Variants in CEP112 observed in about 807,000 individuals in gnomAD.
CEP112 encodes the protein centrosomal protein 112, also known as centrosomal protein of 112 kDa.
Under a neutral mutation model 153.0 loss-of-function variants are expected in CEP112, and 127 were observed. The observed-to-expected ratio is 0.83, with a 90% CI of 0.72 to 0.96. The LOEUF is 0.96. Ranked by LOEUF, CEP112 falls within the 40% of genes least tolerant of loss-of-function variation. The probability of loss-of-function intolerance (pLI) is 0.00; values close to 1 mark genes in which losing one functional copy is unlikely to be tolerated. For synonymous variants in CEP112, 358 were observed against 374.4 expected, an observed-to-expected ratio of 0.96 and a Z score of 0.51; for missense variants, 1,089 against 1,101.2, an observed-to-expected ratio of 0.99 and a Z score of 0.16.
intron 21 of CEP112, among the ~76,000 whole-genome samples, chr17:65,807,918 G>A (rs2055708128): frequency 6.6e-6 from 1 of 152,228 alleles, no homozygotes; most frequent in South Asian, 2.1e-4. Flanking sequence ...GCCTAGTGGA[G>A]CTGTGAAAAG....
At chr17:66,141,539 T>C (rs1452823537) in intron 4 of CEP112, among the ~76,000 whole-genome samples, 1 of 152,166 alleles carries the variant, frequency 6.6e-6, no homozygotes. Context: ...GCTGAAATTT[T>C]ATATGCATTG....
At chr17:65,710,534 C>A (rs1053468267) in intron 23 of CEP112, among the ~76,000 whole-genome samples, 2 of 152,148 alleles carry the variant, frequency 1.3e-5, no homozygotes, top group Non-Finnish European at 2.9e-5. Flanking sequence ...TATTTCATTT[C>A]CTGGCCTTTC....
intron 21 of CEP112, among the ~76,000 whole-genome samples, chr17:65,759,011 T>C (rs549588953): frequency 3.3e-5 from 5 of 152,266 alleles, no homozygotes; most frequent in East Asian, 1.9e-4. Flanking sequence ...ATACAGGTCA[T>C]ACAGACCTTG....
At chr17:65,837,728 T>C (rs929328888) in intron 21 of CEP112, among the ~76,000 whole-genome samples, 1 of 152,180 alleles carries the variant, frequency 6.6e-6, no homozygotes, top group Admixed American at 6.5e-5. Flanking sequence ...GGAGACTCCA[T>C]TTTGTTCTGT....
At chr17:65,701,373 A>C (rs1164427326) in intron 23 of CEP112, among the ~76,000 whole-genome samples, 1 of 152,184 alleles carries the variant, frequency 6.6e-6, no homozygotes, top group East Asian at 1.9e-4. Flanking sequence ...GGGGAAGAAT[A>C]AGTTTCTGCA....
intron 21 of CEP112, among the ~76,000 whole-genome samples, chr17:65,828,095 A>G (rs1598714003): frequency 6.6e-6 from 1 of 152,236 alleles, no homozygotes; most frequent in Non-Finnish European, 1.5e-5. Flanking sequence ...GGACAGGAAT[A>G]TATGCCATTT....
chr17:66,112,308 T>TA (rs1254939081), intron 6 of CEP112, among the ~76,000 whole-genome samples: 1 of 150,146 alleles, frequency 6.7e-6, no homozygotes, highest in Non-Finnish European at 1.5e-5. Context: ...ATAAAAAAAT[T>TA]AAAAAAACAA....
intron 1 of CEP112, among the ~76,000 whole-genome samples, chr17:66,185,631 A>G (rs367800373): frequency 2.4e-4 from 37 of 152,366 alleles, no homozygotes; most frequent in East Asian, 2.1e-3. Flanking sequence ...CCAAAAATCA[A>G]AAGTGTAGGT....
intron 21 of CEP112, among the ~76,000 whole-genome samples, chr17:65,792,934 A>T (rs929388438): frequency 2.6e-5 from 4 of 152,184 alleles, no homozygotes; most frequent in African/African-American, 7.2e-5. Context: ...CATTTTTAGT[A>T]ATCAAGAAAA....
intron 21 of CEP112, among the ~76,000 whole-genome samples, chr17:65,794,340 C>T (rs1224061589): frequency 1.3e-5 from 2 of 152,198 alleles, no homozygotes; most frequent in African/African-American, 4.8e-5. Context: ...AATCTTTCTC[C>T]TTCCACTGGC....
At chr17:65,713,831 G>T (rs1016781344) in intron 23 of CEP112, among the ~76,000 whole-genome samples, 6 of 151,882 alleles carry the variant, frequency 4.0e-5, no homozygotes, top group Admixed American at 6.6e-5. Flanking sequence ...CTCGTGATCC[G>T]CCCGCCTCGG....
At chr17:66,146,737 T>G (rs977713500) in intron 4 of CEP112, among the ~76,000 whole-genome samples, 1 of 152,180 alleles carries the variant, frequency 6.6e-6, no homozygotes, top group African/African-American at 2.4e-5. Context: ...TTGACAACTT[T>G]AGAGACCTCA....
intron 4 of CEP112, among the ~76,000 whole-genome samples, chr17:66,133,301 G>A (rs900649083): frequency 6.6e-6 from 1 of 151,906 alleles, no homozygotes; most frequent in Non-Finnish European, 1.5e-5. Flanking sequence ...TATATTCTAC[G>A]GGAAGAACAT....
chr17:65,881,085 T>G (rs1236448705), intron 20 of CEP112, among the ~76,000 whole-genome samples: 1 of 152,068 alleles, frequency 6.6e-6, no homozygotes, highest in Non-Finnish European at 1.5e-5. Context: ...CATGCTGGCA[T>G]GCGCTTGTAG....
At chr17:65,906,980 C>G (rs770254429) in intron 19 of CEP112, among the ~76,000 whole-genome samples, 53 of 152,174 alleles carry the variant, frequency 3.5e-4, no homozygotes, top group Non-Finnish European at 5.9e-4. Context: ...GTAGAAAGTT[C>G]TATTGAGATC....
intron 20 of CEP112, among the ~76,000 whole-genome samples, chr17:65,881,273 C>T (rs1424487739): frequency 2.0e-5 from 3 of 152,086 alleles, no homozygotes; most frequent in Admixed American, 6.6e-5. Flanking sequence ...GAAAGTCAAA[C>T]GCTCTCTGGA....
intron 4 of CEP112, among the ~76,000 whole-genome samples, chr17:66,148,010 T>C (rs1029148405): frequency 1.3e-5 from 2 of 152,194 alleles, no homozygotes; most frequent in African/African-American, 4.8e-5. Flanking sequence ...CCATGTGAAC[T>C]TCAGGATACT....
intron 19 of CEP112, among the ~76,000 whole-genome samples, chr17:65,912,848 C>T (rs546175579): frequency 6.6e-6 from 1 of 152,252 alleles, no homozygotes; most frequent in Admixed American, 6.5e-5. Context: ...TTTCCTCTCA[C>T]GTTCTACTCA....
intron 18 of CEP112, among the ~76,000 whole-genome samples, chr17:65,933,838 A>C (rs1287562712): frequency 6.6e-6 from 1 of 152,238 alleles, no homozygotes; most frequent in African/African-American, 2.4e-5. Context: ...AAGCAATTTT[A>C]TCTCTAGTAT....
Sources: gnomAD v4.1 joint callset for allele counts (sites outside exome capture counted in the v4.1 genomes callset) on GRCh38, gnomAD v4.1.1 for gene constraint, MANE v1.5 for transcripts, NCBI Gene and HGNC (gene_info 2026-07-23, HGNC 2026-07-21) for gene names.